Variants in OR3A2 observed in about 807,000 individuals in gnomAD.
The protein encoded by OR3A2 is olfactory receptor 3A2.
For missense variants in OR3A2, 318 were observed against 392.8 expected (o/e 0.81, Z 1.61); for synonymous variants, 126 against 159.3 (o/e 0.79, Z 1.57).
chr17:3,278,856 A>G (rs766732960), exon 2 of OR3A2: 1 of 1,521,366 alleles, frequency 6.6e-7, no homozygotes, highest in South Asian at 1.3e-5. Flanking sequence ...TTCTGTTTGC[A>G]CTAGGCCCAG....
chr17:3,337,697 C>T (rs1474841275), intron 2 of OR3A2, among the ~76,000 whole-genome samples: 2 of 152,044 alleles, frequency 1.3e-5, no homozygotes, highest in Non-Finnish European at 2.9e-5. Context: ...GGGTTGGTTC[C>T]AAGTCTTTGG....
chr17:3,340,045 G>A (rs542309003), intron 2 of OR3A2, among the ~76,000 whole-genome samples: 1 of 152,190 alleles, frequency 6.6e-6, no homozygotes, highest in African/African-American at 2.4e-5. Context: ...TCTAGATTTT[G>A]TAGTTCATTT....
chr17:3,326,537 G>C (rs1445555224), intron 3 of OR3A2, among the ~76,000 whole-genome samples: 1 of 149,870 alleles, frequency 6.7e-6, no homozygotes, highest in Non-Finnish European at 1.5e-5. Flanking sequence ...AATTTCTTAT[G>C]CCTGTCTTTT....
At position 3,309,966 on chromosome 17, in the gene OR3A2, A is replaced by G. The variant is rs146253726; in HGVS notation, c.-85+26067T>C. On this transcript the variant is annotated intron_variant, in intron 3 of 4. Transcript: ENST00000573491. ...CAACTATGGCCATGCCACCATCTGT[A>G]GACTTGGGGTTTCCTCCCAGAACTT... 2.6e-3 allele frequency: 547 copies of G among 214,344 alleles called. 10 individuals are homozygous for G. Among genetic ancestry groups the G allele is most frequent in the South Asian group, 0.01 (127 of 12,154 alleles). 13.3% of individuals were successfully genotyped at this position (214,344 alleles called of 1,614,324 possible). A position where few individuals can be genotyped will look rare whatever the true frequency, so the allele number is the denominator to read the frequency against.
intron 2 of OR3A2, among the ~76,000 whole-genome samples, chr17:3,361,346 C>G (rs1239233350): frequency 6.6e-6 from 1 of 151,634 alleles, no homozygotes; most frequent in Non-Finnish European, 1.5e-5. Flanking sequence ...GATATACAAT[C>G]ATGTCATCTG....
chr17:3,375,141 T>C lies in OR3A2; in HGVS notation c.-179+8663A>G, dbSNP rs1192622092. ...TCTGGCAATTCAGAGCCTTCTTCCTTTTTTTTTTTTTTTTTTTTTTTTTTT... is the reference window on the plus strand; with the variant it reads ...TCTGGCAATTCAGAGCCTTCTTCCTCTTTTTTTTTTTTTTTTTTTTTTTTT... On this transcript the variant is annotated intron_variant, in intron 2 of 4. Coordinates refer to the OR3A2 transcript ENST00000573491. 6.7e-3 allele frequency among the ~76,000 whole-genome samples: 412 copies of C among 61,340 alleles called. 2 individuals are homozygous for C. The highest frequency in any genetic ancestry group is 8.2e-3 in the Non-Finnish European group (322 of 39,236). The allele number at this position is 61,340 out of a possible 152,430, so 40.2% of individuals were successfully genotyped here. A position where few individuals can be genotyped will look rare whatever the true frequency, so the allele number is the denominator to read the frequency against.
intron 3 of OR3A2, chr17:3,291,511 C>T (rs1201872474): frequency 8.7e-6 from 6 of 691,358 alleles, no homozygotes; most frequent in Admixed American, 2.9e-5. Context: ...TTATTCCCTA[C>T]AAAAAGTCCT....
At chr17:3,315,751 T>TG (rs59845428) in intron 3 of OR3A2, among the ~76,000 whole-genome samples, 22,331 of 127,238 alleles carry the variant, frequency 0.18, 2,232 homozygotes, top group South Asian at 0.26. Context: ...GGTGAAAATA[T>TG]GGGGGGGGGG....
At chr17:3,304,803 C>T (rs145294291) in intron 3 of OR3A2, among the ~76,000 whole-genome samples, 1,492 of 143,012 alleles carry the variant, frequency 0.01, 20 homozygotes, top group African/African-American at 0.041. Context: ...TATATTCATA[C>T]GATGGAATAC....
At chr17:3,331,583 T>C (rs1377298387) in intron 3 of OR3A2, among the ~76,000 whole-genome samples, 1 of 152,008 alleles carries the variant, frequency 6.6e-6, no homozygotes, top group African/African-American at 2.4e-5. Context: ...TTTAAGCACT[T>C]CTCTGTATTG....
intron 2 of OR3A2, among the ~76,000 whole-genome samples, chr17:3,372,047 G>A (rs1426106443): frequency 2.2e-5 from 3 of 137,912 alleles, no homozygotes; most frequent in South Asian, 2.5e-4. Context: ...GCCGGGCGGA[G>A]GGGCTCCTCA....
chr17:3,359,202 A>C (rs1227170754), intron 2 of OR3A2, among the ~76,000 whole-genome samples: 3 of 151,744 alleles, frequency 2.0e-5, no homozygotes, highest in Non-Finnish European at 4.4e-5. Context: ...TGAAGGCAGA[A>C]TACTACTGGA....
At chr17:3,334,789 G>C (rs968184317) in intron 3 of OR3A2, among the ~76,000 whole-genome samples, 29 of 152,208 alleles carry the variant, frequency 1.9e-4, no homozygotes, top group Non-Finnish European at 2.4e-4. Context: ...TTCTAGAGAA[G>C]AGTGTCATAG....
intron 2 of OR3A2, among the ~76,000 whole-genome samples, chr17:3,373,825 T>G (rs1319941972): frequency 6.6e-6 from 1 of 152,190 alleles, no homozygotes; most frequent in Non-Finnish European, 1.5e-5. Context: ...GGTAGTGTTC[T>G]GTTCATCATG....
At chr17:3,345,595 G>T (rs369015581) in intron 2 of OR3A2, among the ~76,000 whole-genome samples, 1 of 152,000 alleles carries the variant, frequency 6.6e-6, no homozygotes, top group Non-Finnish European at 1.5e-5. Flanking sequence ...AATGAAAAAC[G>T]TGATCACAGA....
chr17:3,351,574 G>A (rs1405611322), intron 2 of OR3A2, among the ~76,000 whole-genome samples: 1 of 127,832 alleles, frequency 7.8e-6, no homozygotes, highest in Non-Finnish European at 1.6e-5. Flanking sequence ...TCATGGGTAG[G>A]AAGAATCAAT....
At chr17:3,280,350 C>A (rs565404177) in intron 1 of OR3A2, among the ~76,000 whole-genome samples, 105 of 151,820 alleles carry the variant, frequency 6.9e-4, no homozygotes, top group African/African-American at 2.4e-3. Flanking sequence ...CGGCTCACTG[C>A]AAGCTCCGCC....
At chr17:3,372,132 T>C (rs1323559476) in intron 2 of OR3A2, among the ~76,000 whole-genome samples, 1 of 149,488 alleles carries the variant, frequency 6.7e-6, no homozygotes, top group East Asian at 2.1e-4. Flanking sequence ...GAGACGCTCC[T>C]CACCTCCCAG....
intron 2 of OR3A2, among the ~76,000 whole-genome samples, chr17:3,338,967 T>A (rs551478491): frequency 6.6e-6 from 1 of 152,198 alleles, no homozygotes. Flanking sequence ...TAGCTCTCCT[T>A]GAAGAGGTCC....
Sources: gnomAD v4.1 joint callset for allele counts (sites outside exome capture counted in the v4.1 genomes callset) on GRCh38, gnomAD v4.1.1 for gene constraint, MANE v1.5 for transcripts, NCBI Gene and HGNC (gene_info 2026-07-23, HGNC 2026-07-21) for gene names.